The following SORCS2 variants were observed in gnomAD, a reference collection of about 807,000 sequenced individuals.
SORCS2 encodes the protein sortilin related VPS10 domain containing receptor 2.
Under a neutral mutation model 141.6 loss-of-function variants are expected in SORCS2, and 100 were observed. The observed-to-expected ratio is 0.71, with a 90% CI of 0.60 to 0.83. The LOEUF (loss-of-function observed/expected upper bound fraction) is 0.83. SORCS2 is among the 40% of genes least tolerant of loss of function. The probability of loss-of-function intolerance (pLI) is 0.00; values close to 1 mark genes in which losing one functional copy is unlikely to be tolerated. For synonymous variants in SORCS2, 789 were observed against 676.9 expected, an observed-to-expected ratio of 1.17 and a Z score of -2.57; for missense variants, 1,646 against 1,560.2, an observed-to-expected ratio of 1.05 and a Z score of -0.93.
At chr4:7,323,101 A>G (rs990925023) in intron 1 of SORCS2, among the ~76,000 whole-genome samples, 8 of 152,218 alleles carry the variant, frequency 5.3e-5, no homozygotes, top group Admixed American at 2.6e-4. Flanking sequence ...AATGGGGTCA[A>G]ATATTATTTA....
chr4:7,531,116 A>C (rs577375860), intron 2 of SORCS2, among the ~76,000 whole-genome samples: 1 of 152,332 alleles, frequency 6.6e-6, no homozygotes, highest in African/African-American at 2.4e-5. Flanking sequence ...CGGGCCAGTC[A>C]AATCCTGAGT....
Position 7,740,401 on chromosome 4 carries a change from C to T in SORCS2, c.*137C>T. 1 of 763,686 alleles carries T rather than the reference C, an allele frequency of 1.3e-6. No homozygotes were observed. The highest frequency in any genetic ancestry group is 2.2e-6 in the Non-Finnish European group (1 of 460,282). The allele number at this position is 763,686 out of a possible 1,614,324, so 47.3% of individuals were successfully genotyped here. A position where few individuals can be genotyped will look rare whatever the true frequency, so the allele number is the denominator to read the frequency against. On this transcript the variant is annotated 3_prime_UTR_variant, in exon 27 of 27. Transcript: ENST00000507866. ...TCGCCACACCAGGCGACAGGCACCA[C>T]CCCCTCTGATAAATCCAAGCCCGCC...
chr4:7,261,690 G>T (rs553674386), intron 1 of SORCS2, among the ~76,000 whole-genome samples: 1 of 152,214 alleles, frequency 6.6e-6, no homozygotes, highest in East Asian at 1.9e-4. Context: ...CAGGCTGCTC[G>T]GCAAGCTGCC....
At chr4:7,375,925 A>C (rs1027904305) in intron 1 of SORCS2, among the ~76,000 whole-genome samples, 4 of 152,216 alleles carry the variant, frequency 2.6e-5, no homozygotes, top group African/African-American at 9.7e-5. Context: ...TCTGGGCCTC[A>C]GTGGCAAATG....
At chr4:7,452,684 C>T (rs1328484526) in intron 2 of SORCS2, among the ~76,000 whole-genome samples, 1 of 152,234 alleles carries the variant, frequency 6.6e-6, no homozygotes, top group Non-Finnish European at 1.5e-5. Context: ...CCACTCTGTG[C>T]CTCAGTTTCT....
At position 7,298,929 on chromosome 4, in the gene SORCS2, A is replaced by G. The variant is rs191830659; in HGVS notation, c.481-97359A>G. ...ACAAGTGTTTGTCCTCTTCTGGGAC[A>G]AGGCCGGTGGGAAGATAATTAAAAG... On this transcript the variant is annotated intron_variant, in intron 1 of 26. Coordinates refer to ENST00000507866, the MANE Select transcript of SORCS2 (RefSeq NM_020777.3). 9.8e-5 allele frequency among the ~76,000 whole-genome samples: 15 copies of G among 152,370 alleles called. No homozygotes were observed. In the East Asian group the frequency reaches 2.9e-3, roughly 29 times the overall value.
intron 1 of SORCS2, among the ~76,000 whole-genome samples, chr4:7,295,915 A>G (rs951502072): frequency 9.8e-5 from 15 of 152,330 alleles, no homozygotes; most frequent in African/African-American, 3.1e-4. Flanking sequence ...CTGCTTTCCC[A>G]TGGCTGGGGC....
At chr4:7,592,486 C>A (rs1716986847) in intron 3 of SORCS2, among the ~76,000 whole-genome samples, 1 of 152,228 alleles carries the variant, frequency 6.6e-6, no homozygotes, top group Admixed American at 6.5e-5. Context: ...TCTTCCCCAG[C>A]CCCCTTACAG....
At chr4:7,545,817 C>T (rs377766311) in intron 3 of SORCS2, among the ~76,000 whole-genome samples, 2 of 152,264 alleles carry the variant, frequency 1.3e-5, no homozygotes, top group South Asian at 4.1e-4. Flanking sequence ...CTGCCTCCGT[C>T]AGCTCGGATG....
intron 3 of SORCS2, among the ~76,000 whole-genome samples, chr4:7,593,689 G>A (rs1250176321): frequency 1.3e-5 from 2 of 152,232 alleles, no homozygotes; most frequent in African/African-American, 2.4e-5. Context: ...GCGGGTAATG[G>A]GAAGCCGGAG....
intron 5 of SORCS2, among the ~76,000 whole-genome samples, chr4:7,656,837 C>A (rs1043387516): frequency 2.6e-5 from 4 of 152,226 alleles, no homozygotes; most frequent in Admixed American, 2.0e-4. Flanking sequence ...ATGATCACAC[C>A]TTTCTGGGCT....
chr4:7,217,202 C>T (rs1272163514), intron 1 of SORCS2, among the ~76,000 whole-genome samples: 2 of 152,164 alleles, frequency 1.3e-5, no homozygotes, highest in Non-Finnish European at 2.9e-5. Flanking sequence ...GGTTCCTCCG[C>T]CCGGCCTGGA....
At chr4:7,592,074 A>G (rs930207644) in intron 3 of SORCS2, among the ~76,000 whole-genome samples, 2 of 152,128 alleles carry the variant, frequency 1.3e-5, no homozygotes, top group African/African-American at 4.8e-5. Context: ...TAAGCACCAC[A>G]TGAGCCCTGA....
At chr4:7,429,323 C>A (rs902162966) in intron 2 of SORCS2, among the ~76,000 whole-genome samples, 1 of 152,184 alleles carries the variant, frequency 6.6e-6, no homozygotes, top group Non-Finnish European at 1.5e-5. Context: ...CATCCCTGCA[C>A]CCATACGTGC....
chr4:7,595,235 C>T (rs958566741), intron 3 of SORCS2, among the ~76,000 whole-genome samples: 12 of 152,252 alleles, frequency 7.9e-5, no homozygotes, highest in African/African-American at 2.4e-4. Flanking sequence ...AAGAGAGGCA[C>T]GAGGCAGGGC....
chr4:7,712,945 G>T, intron 15 of SORCS2, 92 bp downstream of exon 15: 6 of 1,526,386 alleles, frequency 3.9e-6, no homozygotes, highest in South Asian at 1.2e-5. Flanking sequence ...CTGCAAGGCC[G>T]CAGGGCACCT....
intron 1 of SORCS2, among the ~76,000 whole-genome samples, chr4:7,334,730 A>G (rs1719880942): frequency 6.6e-6 from 1 of 152,128 alleles, no homozygotes; most frequent in African/African-American, 2.4e-5. Flanking sequence ...CATAATGATC[A>G]GGTGGGGAGG....
chr4:7,306,298 G>A lies in SORCS2; in HGVS notation c.481-89990G>A, dbSNP rs555557678. ...CAGTGGGCTCCGGGGTAGGCTTGTT[G>A]ATGGTCCGAGGGTGGAGGGGGAGGG... is the stretch of plus-strand genomic sequence containing the variant. On this transcript the variant is annotated intron_variant, in intron 1 of 26. Transcript: ENST00000507866. Among the ~76,000 whole-genome samples, 5 of 152,164 alleles carry A rather than the reference G, an allele frequency of 3.3e-5. No individual in the cohort carries two copies. The East Asian group carries it at 9.7e-4, about 30-fold the overall frequency.
intron 3 of SORCS2, among the ~76,000 whole-genome samples, chr4:7,563,767 T>C (rs1431990353): frequency 6.6e-6 from 1 of 152,252 alleles, no homozygotes; most frequent in Non-Finnish European, 1.5e-5. Context: ...CAGAGAATCA[T>C]GCTTGTTTAT....
Sources: gnomAD v4.1 joint callset for allele counts (sites outside exome capture counted in the v4.1 genomes callset) on GRCh38, gnomAD v4.1.1 for gene constraint, MANE v1.5 for transcripts, NCBI Gene and HGNC (gene_info 2026-07-23, HGNC 2026-07-21) for gene names.